The following CLCN7 variants were observed in gnomAD, a reference collection of about 807,000 sequenced individuals.
CLCN7 encodes the protein H(+)/Cl(-) exchange transporter 7.
CLCN7 carries 60 observed loss-of-function variants against 102.1 expected under a neutral mutation model. That is an observed-to-expected ratio of 0.59 (90% confidence interval 0.48 to 0.73). The LOEUF is 0.73. Among genes scored for constraint, CLCN7 ranks in the 30% least tolerant of loss-of-function variants. CLCN7 has a pLI of 0.00. For synonymous variants in CLCN7, 560 were observed against 490.5 expected (o/e 1.14, Z -1.87); for missense variants, 962 against 1,125.7 (o/e 0.85, Z 2.08).
At chr16:1,462,318 CAGG>C (rs542183067) in intron 2 of CLCN7, among the ~76,000 whole-genome samples, 28 of 149,394 alleles carry the variant, frequency 1.9e-4, no homozygotes, top group African/African-American at 6.4e-4. Context: ...CAACTGAAGC[CAGG>C]AGTTCAAGAC....
At chr16:1,461,324 CCCGG>C in intron 4 of CLCN7, 77 bp downstream of exon 4, 1 of 1,262,200 alleles carries the variant, frequency 7.9e-7, no homozygotes, top group Non-Finnish European at 1.1e-6. Flanking sequence ...GTCACCTCAC[CCCGG>C]CAGAAGAGCA....
rs959540235 is a variant in CLCN7, at chr16:1,446,726, C to T, written c.2332-9G>A. The T allele has an allele frequency of 1.3e-6, 2 of 1,573,832 alleles. No individual in the cohort carries two copies. The highest frequency in any genetic ancestry group is 1.7e-6 in the Non-Finnish European group (2 of 1,158,964). ...GTCACCAACCCGACAACCTGCAGGA[C>T]AAGTCCAGGCCACAGTGACACACGG... On this transcript the variant is annotated splice_polypyrimidine_tract_variant and intron_variant, in intron 24 of 24. Transcript: ENST00000382745.
At chr16:1,455,692 T>A (rs1225477634) in intron 11 of CLCN7, 39 bp downstream of exon 11, 1 of 1,605,092 alleles carries the variant, frequency 6.2e-7, no homozygotes, top group Non-Finnish European at 8.5e-7. Flanking sequence ...GAGCGCAGCA[T>A]GCACCCTGAT....
chr16:1,447,173 C>G, intron 23 of CLCN7, 87 bp from the exon 24 acceptor site: 7 of 1,337,544 alleles, frequency 5.2e-6, no homozygotes, highest in Non-Finnish European at 7.2e-6. Context: ...GCACCCCCCA[C>G]CACGGCGTCC....
At chr16:1,451,332 C>T (rs1166958714) in intron 16 of CLCN7, among the ~76,000 whole-genome samples, 1 of 152,202 alleles carries the variant, frequency 6.6e-6, no homozygotes, top group Non-Finnish European at 1.5e-5. Context: ...CCCAGCCTCC[C>T]AAGTACCTGG....
In CLCN7 at chr16:1,453,867, G is replaced by A. The variant is rs1250916342; in HGVS notation, c.1181C>T (p.Ala394Val). The change falls in exon 14 of 25, where the codon GCC becomes GTC. Residue 394 changes from alanine (A) to valine (V), a missense_variant. Transcript: ENST00000382745. ...VGGVLGAVFNALNYWLTMFRI... is the reference protein window; with the variant it reads ...VGGVLGAVFNVLNYWLTMFRI... Reference sequence around the variant, plus strand: ...AAACATGGTCAGCCAGTAGTTCAAGGCATTGAACACTGCTCCAAGCACACC... The same window carrying A: ...AAACATGGTCAGCCAGTAGTTCAAGACATTGAACACTGCTCCAAGCACACC... The A allele has an allele frequency of 6.2e-7, 1 of 1,613,268 alleles. No homozygotes were observed. Among genetic ancestry groups the A allele is most frequent in the Non-Finnish European group, 8.5e-7 (1 of 1,180,046 alleles).
intron 9 of CLCN7, 26 bp from the exon 10 acceptor site, chr16:1,456,232 G>A (rs1453563452): frequency 5.2e-6 from 8 of 1,542,940 alleles, no homozygotes; most frequent in Non-Finnish European, 6.2e-6. Context: ...ACCAGGGTCG[G>A]GGCAGGTTCC....
chr16:1,449,489 T>C (rs1288683484), intron 17 of CLCN7, 162 bp from the exon 18 acceptor site: 1 of 663,124 alleles, frequency 1.5e-6, no homozygotes, highest in Non-Finnish European at 2.7e-6. Flanking sequence ...CAGTACACCC[T>C]GCTGCGGAGG....
At position 1,446,559 on chromosome 16, in the gene CLCN7, C is replaced by T. The variant is rs1199812568; in HGVS notation, c.*72G>A. 13 of 1,366,248 alleles carry T rather than the reference C, an allele frequency of 9.5e-6. No individual in the cohort carries two copies. The Admixed American group carries it at 2.2e-4, about 23-fold the overall frequency. The allele number at this position is 1,366,248 out of a possible 1,614,324, so 84.6% of individuals were successfully genotyped here. A position where few individuals can be genotyped will look rare whatever the true frequency, so the allele number is the denominator to read the frequency against. The stretch of plus-strand genomic sequence containing the variant: ...GGGAGCATGGTTTGGGCCGAGAAAC[C>T]AGTGACTCCGGGAGGAAATGCAGAA... On this transcript the variant is annotated 3_prime_UTR_variant, in exon 25 of 25. Transcript: ENST00000382745.
chr16:1,453,244 C>G (rs1397149360), intron 14 of CLCN7, among the ~76,000 whole-genome samples: 1 of 152,114 alleles, frequency 6.6e-6, no homozygotes, highest in East Asian at 1.9e-4. Context: ...AACTCCCGAC[C>G]TCAGGTGATC....
chr16:1,454,227 A>C (rs2038798148), intron 13 of CLCN7, among the ~76,000 whole-genome samples, 184 bp downstream of exon 13: 2 of 152,366 alleles, frequency 1.3e-5, no homozygotes, highest in Middle Eastern at 3.4e-3. Flanking sequence ...AAGCCACAGA[A>C]GCGAAGCTTT....
rs370055983 is a variant in CLCN7, at chr16:1,450,681, G to A, written c.1448-15C>T. 2.8e-5 allele frequency: 43 copies of A among 1,557,210 alleles called. No individual in the cohort carries two copies. The highest frequency in any genetic ancestry group is 3.7e-5 in the Non-Finnish European group (42 of 1,144,578). ...GTTGTAGGAGCCTAGGAGAGAAGAG[G>A]GGCTGACGGGGCCTCCACGACTCCC... is the stretch of plus-strand genomic sequence containing the variant. On this transcript the variant is annotated splice_polypyrimidine_tract_variant and intron_variant, in intron 16 of 24. Coordinates refer to ENST00000382745, the MANE Select transcript of CLCN7 (RefSeq NM_001287.6).
chr16:1,450,707 G>A (rs771041846), intron 16 of CLCN7, 41 bp from the exon 17 acceptor site: 17 of 1,333,454 alleles, frequency 1.3e-5, no homozygotes, highest in Admixed American at 2.1e-5. Flanking sequence ...CACGACTCCC[G>A]CCTCCGCAGG....
chr16:1,473,086 A>AACAC (rs36084043), intron 1 of CLCN7, among the ~76,000 whole-genome samples: 4,024 of 150,138 alleles, frequency 0.027, 74 homozygotes, highest in Admixed American at 0.038. Context: ...TTAAAACAGA[A>AACAC]ACACACACAC....
chr16:1,452,807 G>C lies in CLCN7; in HGVS notation c.1301C>G (p.Ser434Trp). ...TATVAFVLIY[S>W]SRDCQPLQGG... is the part of the protein sequence containing the mutation. ...CTGCAGGGGCTGGCAATCCCGCGACGAGTAGATCAGCACGAAGGCAACTGT... is the reference window on the plus strand; with the variant it reads ...CTGCAGGGGCTGGCAATCCCGCGACCAGTAGATCAGCACGAAGGCAACTGT... The change falls in exon 15 of 25, where the codon TCG becomes TGG. Residue 434 changes from serine (S) to tryptophan (W), a missense_variant. Physicochemically the swap from Ser to Trp is radical, Grantham distance 177. Around this residue, in one of 2 missense-constraint regions of CLCN7, gnomAD observed 799 missense variants for 988.0 expected, o/e 0.81. Transcript: ENST00000382745. The C allele has an allele frequency of 6.2e-7, 1 of 1,605,808 alleles. No individual in the cohort carries two copies. The highest frequency in any genetic ancestry group is 8.5e-7 in the Non-Finnish European group (1 of 1,176,704).
At chr16:1,454,548 T>C (rs2038804157) in intron 12 of CLCN7, 83 bp from the exon 13 acceptor site, 2 of 1,314,480 alleles carry the variant, frequency 1.5e-6, no homozygotes, top group African/African-American at 1.4e-5. Context: ...GACCACCATC[T>C]TAAGAGAGCT....
chr16:1,464,821 A>G (rs1274643923), intron 2 of CLCN7, among the ~76,000 whole-genome samples: 1 of 152,164 alleles, frequency 6.6e-6, no homozygotes, highest in Non-Finnish European at 1.5e-5. Flanking sequence ...GGCCGGCGGG[A>G]GATGCCCCCG....
Position 1,448,493 on chromosome 16 carries a change from G to A in CLCN7, c.1884-9C>T, listed in dbSNP as rs780139987. 3.1e-6 allele frequency: 5 copies of A among 1,608,078 alleles called. No homozygotes were observed. Among genetic ancestry groups the A allele is most frequent in the Non-Finnish European group, 4.2e-6 (5 of 1,179,918 alleles). ...GTGTGCTCATCACCTCCCTGCCGGA[G>A]GAGCCCGGCCACACATGCCCGTCAC... On this transcript the variant is annotated splice_polypyrimidine_tract_variant and intron_variant, in intron 20 of 24. Transcript: ENST00000382745.
chr16:1,455,068 G>T, intron 12 of CLCN7, 66 bp downstream of exon 12: 1 of 948,374 alleles, frequency 1.1e-6, no homozygotes, highest in South Asian at 1.3e-5. Context: ...CTCAACCTGG[G>T]CCTTAAGCAA....
Sources: allele counts gnomAD v4.1 joint callset (sites outside exome capture counted in the v4.1 genomes callset), GRCh38; gene constraint gnomAD v4.1.1; regional missense constraint gnomAD v4.1.1; transcripts MANE v1.5; gene names NCBI Gene and HGNC (gene_info 2026-07-23, HGNC 2026-07-21).